The following ESRRG variants were observed in gnomAD, a reference collection of about 807,000 sequenced individuals.
ESRRG encodes estrogen related receptor gamma.
Under a neutral mutation model 44.0 loss-of-function variants are expected in ESRRG, and 13 were observed. The ratio of observed to expected loss-of-function variants is 0.30; its 90% confidence interval spans 0.19 to 0.47. The LOEUF is 0.47. ESRRG is among the 20% of genes least tolerant of loss of function. The pLI, the probability that ESRRG is intolerant of heterozygous loss-of-function variation, is 1.00. For synonymous variants in ESRRG, 215 were observed against 214.6 expected, an observed-to-expected ratio of 1.00 and a Z score of -0.02; for missense variants, 395 against 580.6, an observed-to-expected ratio of 0.68 and a Z score of 3.29.
At chr1:216,737,067 A>C (rs985505051) in intron 2 of ESRRG, among the ~76,000 whole-genome samples, 1 of 152,182 alleles carries the variant, frequency 6.6e-6, no homozygotes, top group Non-Finnish European at 1.5e-5. Context: ...ATACCAAATA[A>C]ATTAATAAAT....
At chr1:216,847,011 T>G (rs1292889492) in intron 2 of ESRRG, among the ~76,000 whole-genome samples, 4 of 152,108 alleles carry the variant, frequency 2.6e-5, no homozygotes, top group Admixed American at 1.3e-4. Flanking sequence ...AACTCAACAT[T>G]CCTTCCAGGT....
chr1:216,934,897 A>G (rs1019680812), intron 2 of ESRRG, among the ~76,000 whole-genome samples: 5 of 152,198 alleles, frequency 3.3e-5, no homozygotes, highest in African/African-American at 1.2e-4. Context: ...GAGAACCACT[A>G]TTTTATACAT....
chr1:216,723,198 C>T, intron 1 of ESRRG, 46 bp downstream of exon 1: 1 of 1,493,140 alleles, frequency 6.7e-7, no homozygotes, highest in Non-Finnish European at 9.3e-7. Context: ...CCCCCACCCC[C>T]GCACCCCCAC....
chr1:216,880,438 T>C (rs1577595521), intron 2 of ESRRG, among the ~76,000 whole-genome samples: 1 of 152,008 alleles, frequency 6.6e-6, no homozygotes, highest in African/African-American at 2.4e-5. Context: ...GCATTTATCT[T>C]ACAGATGAGG....
intron 1 of ESRRG, among the ~76,000 whole-genome samples, chr1:217,041,626 G>C (rs1317703261): frequency 1.3e-5 from 2 of 152,090 alleles, no homozygotes; most frequent in Non-Finnish European, 2.9e-5. Flanking sequence ...AACAAGCCCA[G>C]TATATATGGT....
chr1:216,799,480 G>C (rs529002994), intron 2 of ESRRG, among the ~76,000 whole-genome samples: 3 of 151,958 alleles, frequency 2.0e-5, no homozygotes, highest in African/African-American at 7.2e-5. Context: ...ACAATGAAGA[G>C]GGACCCTTGA....
chr1:216,771,767 A>G (rs1313909393), intron 2 of ESRRG, among the ~76,000 whole-genome samples: 2 of 151,062 alleles, frequency 1.3e-5, no homozygotes, highest in Non-Finnish European at 2.9e-5. Context: ...AGCATTAGAA[A>G]TACAGGTGGT....
intron 5 of ESRRG, among the ~76,000 whole-genome samples, chr1:216,545,432 TAC>T (rs1181047584): frequency 1.3e-5 from 2 of 151,950 alleles, no homozygotes; most frequent in African/African-American, 4.8e-5. Context: ...CCCCAATGCA[TAC>T]GTTCTAAAAA....
chr1:217,006,918 G>A (rs1339222), intron 1 of ESRRG, among the ~76,000 whole-genome samples: 75,958 of 151,774 alleles, frequency 0.5, 20,203 homozygotes, highest in East Asian at 0.74. Context: ...TAATTTTTTA[G>A]CTGCTGTGCT....
chr1:216,673,441 C>T (rs926537786), intron 2 of ESRRG, among the ~76,000 whole-genome samples: 1 of 152,214 alleles, frequency 6.6e-6, no homozygotes, highest in African/African-American at 2.4e-5. Context: ...CAGCTACAAG[C>T]ACAGCCAGGT....
intron 1 of ESRRG, among the ~76,000 whole-genome samples, chr1:217,003,579 A>ATTCATTAATATTAATT (rs72187021): frequency 6.8e-6 from 1 of 147,710 alleles, no homozygotes; most frequent in African/African-American, 2.5e-5. Context: ...ACTAATTAAT[A>ATTCATTAATATTAATT]AGTATTAATA....
intron 2 of ESRRG, among the ~76,000 whole-genome samples, chr1:216,658,276 T>C (rs1284683901): frequency 1.3e-5 from 2 of 152,136 alleles, no homozygotes; most frequent in East Asian, 1.9e-4. Flanking sequence ...ACAAATTACT[T>C]AGCCTTGATT....
intron 2 of ESRRG, among the ~76,000 whole-genome samples, chr1:216,815,557 G>T (rs753930648): frequency 6.6e-6 from 1 of 152,146 alleles, no homozygotes; most frequent in Non-Finnish European, 1.5e-5. Context: ...TGTGCCACCT[G>T]CCCTGGGAAA....
At chr1:217,081,859 T>C (rs995547286) in intron 1 of ESRRG, among the ~76,000 whole-genome samples, 1 of 152,182 alleles carries the variant, frequency 6.6e-6, no homozygotes, top group Non-Finnish European at 1.5e-5. Flanking sequence ...TTAACAAAAA[T>C]CCAGGAAATT....
At chr1:216,725,452 T>G (rs139911387), upstream of ESRRG, among the ~76,000 whole-genome samples, 97 of 152,032 alleles carry the variant, frequency 6.4e-4, 1 homozygote, top group East Asian at 0.015. Context: ...AAAAAAAAAT[T>G]GTCTATTCAA....
chr1:216,540,759 C>A (rs1231534615), intron 5 of ESRRG, among the ~76,000 whole-genome samples: 5 of 151,914 alleles, frequency 3.3e-5, no homozygotes, highest in Non-Finnish European at 7.4e-5. Flanking sequence ...CCAATTATAT[C>A]CCAATGTGAA....
chr1:216,705,479 T>A (rs538533388), intron 1 of ESRRG, among the ~76,000 whole-genome samples: 2 of 152,130 alleles, frequency 1.3e-5, no homozygotes, highest in African/African-American at 4.8e-5. Flanking sequence ...CCCAAAAATA[T>A]TACTTTTCTT....
intron 2 of ESRRG, among the ~76,000 whole-genome samples, chr1:216,858,273 T>TA (rs761022477): frequency 0.016 from 2,206 of 141,212 alleles, 31 homozygotes; most frequent in African/African-American, 0.031. Context: ...CTGTCTCTAC[T>TA]AAAAAAAAAA....
chr1:216,876,724 T>TAG (rs1421243477), intron 2 of ESRRG, among the ~76,000 whole-genome samples: 7 of 152,142 alleles, frequency 4.6e-5, no homozygotes, highest in African/African-American at 1.7e-4. Flanking sequence ...AACCAATTGT[T>TAG]CAGTCATGAG....
Sources: gnomAD v4.1 joint callset for allele counts (sites outside exome capture counted in the v4.1 genomes callset) on GRCh38, gnomAD v4.1.1 for gene constraint, MANE v1.5 for transcripts, NCBI Gene and HGNC (gene_info 2026-07-23, HGNC 2026-07-21) for gene names.